Variants in PTPRN2 observed in about 807,000 individuals in gnomAD.
PTPRN2 encodes the protein protein tyrosine phosphatase receptor type N2.
PTPRN2 carries 74 observed loss-of-function variants against 118.8 expected under a neutral mutation model. The ratio of observed to expected loss-of-function variants is 0.62; its 90% CI spans 0.52 to 0.76. The LOEUF (loss-of-function observed/expected upper bound fraction) is 0.76. PTPRN2 is among the 30% of genes least tolerant of loss of function. PTPRN2 has a pLI of 0.00. For missense variants in PTPRN2, 1,481 were observed against 1,394.4 expected (o/e 1.06, Z -0.99); for synonymous variants, 641 against 608.0 (o/e 1.05, Z -0.80).
At chr7:157,718,260 A>G (rs1799030526) in intron 12 of PTPRN2, among the ~76,000 whole-genome samples, 1 of 152,262 alleles carries the variant, frequency 6.6e-6, no homozygotes, top group South Asian at 2.1e-4. Context: ...TCTGCAAATA[A>G]TGACTTGTAG....
At chr7:157,900,875 A>T (rs1797397818) in intron 11 of PTPRN2, among the ~76,000 whole-genome samples, 1 of 152,182 alleles carries the variant, frequency 6.6e-6, no homozygotes, top group African/African-American at 2.4e-5. Context: ...CTCATGTGAC[A>T]CTACTAAAGG....
At chr7:158,150,642 T>A (rs1439199365) in intron 6 of PTPRN2, among the ~76,000 whole-genome samples, 1 of 152,022 alleles carries the variant, frequency 6.6e-6, no homozygotes, top group Non-Finnish European at 1.5e-5. Context: ...GCCCCTCTAA[T>A]TCCACCCTTG....
At chr7:157,997,874 G>T (rs1375488048) in intron 11 of PTPRN2, among the ~76,000 whole-genome samples, 1 of 124,186 alleles carries the variant, frequency 8.1e-6, no homozygotes, top group Non-Finnish European at 1.7e-5. Flanking sequence ...GGAGAGTAGT[G>T]CAGGGGAGAG....
chr7:158,480,947 C>G (rs1442447710), intron 2 of PTPRN2, among the ~76,000 whole-genome samples: 2 of 152,268 alleles, frequency 1.3e-5, no homozygotes, highest in Non-Finnish European at 2.9e-5. Context: ...GAAGCTGCAG[C>G]AAGCTCTCCA....
intron 11 of PTPRN2, among the ~76,000 whole-genome samples, chr7:158,051,988 G>A (rs1222139971): frequency 6.6e-6 from 1 of 152,134 alleles, no homozygotes; most frequent in African/African-American, 2.4e-5. Flanking sequence ...ATAGACATTT[G>A]TCTCTCTTTG....
intron 2 of PTPRN2, among the ~76,000 whole-genome samples, chr7:158,395,124 G>A (rs1174821875): frequency 6.6e-6 from 1 of 152,008 alleles, no homozygotes; most frequent in Non-Finnish European, 1.5e-5. Flanking sequence ...CCGCGTTTTC[G>A]CCTGGGTGGT....
Position 157,951,740 on chromosome 7 carries a change from C to T in PTPRN2, c.1724-53003G>A, listed in dbSNP as rs996962437. Among the ~76,000 whole-genome samples, 5 of 152,390 alleles carry T rather than the reference C, an allele frequency of 3.3e-5. No individual in the cohort carries two copies. The East Asian group carries it at 7.7e-4, about 23-fold the overall frequency. On this transcript the variant is annotated intron_variant, in intron 11 of 22. Transcript: ENST00000389418. ...CGTCCCTCCTGCCGGACTGCAACAC[C>T]GTCTCAGGATCCACCTCCCACCATC...
chr7:157,904,235 G>A (rs1338063741), intron 11 of PTPRN2, among the ~76,000 whole-genome samples: 3 of 152,192 alleles, frequency 2.0e-5, no homozygotes, highest in Admixed American at 6.5e-5. Flanking sequence ...ACAGCAATAG[G>A]ATAAAGGTCA....
At chr7:158,053,906 C>T (rs867702297) in intron 11 of PTPRN2, among the ~76,000 whole-genome samples, 151 of 144,426 alleles carry the variant, frequency 1.0e-3, no homozygotes, top group African/African-American at 2.0e-3. Flanking sequence ...ATGCAGAGAC[C>T]CCAGAGATGC....
chr7:157,631,570 C>T (rs1446141181), intron 14 of PTPRN2, among the ~76,000 whole-genome samples: 2 of 146,316 alleles, frequency 1.4e-5, no homozygotes, highest in East Asian at 2.0e-4. Flanking sequence ...TGGTGGCGGG[C>T]GCCTGTAATC....
intron 9 of PTPRN2, among the ~76,000 whole-genome samples, chr7:158,127,775 A>G (rs1817819777): frequency 6.6e-6 from 1 of 152,112 alleles, no homozygotes; most frequent in Non-Finnish European, 1.5e-5. Context: ...CTTTGCTGAG[A>G]GGTAAGGGGC....
intron 2 of PTPRN2, among the ~76,000 whole-genome samples, chr7:158,485,167 G>A (rs1045211595): frequency 1.3e-5 from 2 of 152,020 alleles, no homozygotes; most frequent in African/African-American, 2.4e-5. Context: ...ACACGGAGCC[G>A]ACAGGTGTGT....
intron 12 of PTPRN2, among the ~76,000 whole-genome samples, chr7:157,811,144 A>G (rs1278077756): frequency 1.3e-5 from 2 of 151,190 alleles, no homozygotes; most frequent in Non-Finnish European, 2.9e-5. Context: ...GGTGGCGGGC[A>G]CCTGTAGTCC....
chr7:158,249,174 A>C (rs1022167526), intron 3 of PTPRN2, among the ~76,000 whole-genome samples: 7 of 151,966 alleles, frequency 4.6e-5, no homozygotes, highest in Non-Finnish European at 8.8e-5. Context: ...ACGTGCACAC[A>C]GCACACACAC....
chr7:157,577,892 A>C (rs1482297843), intron 18 of PTPRN2, 129 bp downstream of exon 18: 90 of 1,250,978 alleles, frequency 7.2e-5, no homozygotes, highest in Non-Finnish European at 9.4e-5. Context: ...CCATCCCCTG[A>C]ACATGGGGTG....
At chr7:157,910,974 T>C (rs919623893) in intron 11 of PTPRN2, among the ~76,000 whole-genome samples, 7 of 152,228 alleles carry the variant, frequency 4.6e-5, no homozygotes, top group African/African-American at 1.7e-4. Flanking sequence ...AAACCAGAGA[T>C]GCCATTTAAA....
chr7:157,847,489 A>G, intron 12 of PTPRN2, among the ~76,000 whole-genome samples: 1 of 148,538 alleles, frequency 6.7e-6, no homozygotes, highest in Non-Finnish European at 1.5e-5. Context: ...ATGTCTACAG[A>G]GCCCTCTCTC....
intron 17 of PTPRN2, among the ~76,000 whole-genome samples, chr7:157,592,269 T>C (rs1173789966): frequency 6.6e-6 from 1 of 152,006 alleles, no homozygotes; most frequent in African/African-American, 2.4e-5. Context: ...TAATAAACAG[T>C]AAGAAAAATG....
rs1818847815 is a variant in PTPRN2, at chr7:158,136,671, T to A, written c.1157A>T (p.Asp386Val). The A allele has an allele frequency of 1.2e-6, 2 of 1,613,866 alleles. No individual in the cohort carries two copies. The highest frequency in any genetic ancestry group is 1.3e-5 in the African/African-American group (1 of 75,016). The stretch of plus-strand genomic sequence containing the variant: ...TCATCTTACCTCTTGGTAAAGTCTA[T>A]CATCGTCGTCCTGCACTCCGTCATC... ...FPDDGVQDDD[D>V]RLYQEVHRLS... Residue 386 changes from aspartate to valine, a missense_variant, in exon 8 of 23, where the codon GAT (aspartate) becomes GTT (valine). Coordinates refer to ENST00000389418, the MANE Select transcript of PTPRN2 (RefSeq NM_002847.5).
Sources: gnomAD v4.1 joint callset for allele counts (sites outside exome capture counted in the v4.1 genomes callset) on GRCh38, gnomAD v4.1.1 for gene constraint, MANE v1.5 for transcripts, NCBI Gene and HGNC (gene_info 2026-07-23, HGNC 2026-07-21) for gene names.